The following TOPBP1 variants were observed in gnomAD, a reference collection of about 807,000 sequenced individuals.
TOPBP1 encodes DNA topoisomerase II binding protein 1.
A neutral mutation model predicts 167.7 loss-of-function variants in TOPBP1; 28 were observed. The ratio of observed to expected loss-of-function variants is 0.17; its 90% CI spans 0.12 to 0.23. The LOEUF (loss-of-function observed/expected upper bound fraction) is 0.23. Among genes scored for constraint, TOPBP1 ranks in the 10% least tolerant of loss-of-function variants. The pLI is 1.00. For synonymous variants in TOPBP1, 598 were observed against 611.4 expected (o/e 0.98, Z 0.32); for missense variants, 1,554 against 1,809.6 (o/e 0.86, Z 2.56).
Position 133,617,311 on chromosome 3 carries a change from C to G in TOPBP1, c.3608G>C (p.Gly1203Ala), listed in dbSNP as rs200596956. ...EIAKQAVCDP[G>A]NIRVTEAPKH... ...GGGAGCTTCAGTCACACGTATGTTT[C>G]CAGGATCACAGACAGCTGAGGACAA... is the stretch of plus-strand genomic sequence containing the variant. Residue 1203 changes from glycine to alanine, a missense_variant, in exon 22 of 28, where the codon GGA becomes GCA. Gly to Ala is a moderately conservative substitution (Grantham distance 60). Coordinates refer to ENST00000260810, the MANE Select transcript of TOPBP1 (RefSeq NM_007027.4). The G allele has an allele frequency of 2.5e-4, 405 of 1,610,836 alleles. 2 individuals are homozygous for G. The highest frequency in any genetic ancestry group is 1.0e-3 in the African/African-American group (76 of 74,780).
At chr3:133,634,012 G>A (rs1480300538) in intron 14 of TOPBP1, among the ~76,000 whole-genome samples, 2 of 152,132 alleles carry the variant, frequency 1.3e-5, no homozygotes, top group Non-Finnish European at 2.9e-5. Flanking sequence ...TGTCTAACAT[G>A]TGAACTCTAG....
In TOPBP1 at chr3:133,637,919, A is replaced by C. The variant is rs1576302307; in HGVS notation, c.2477T>G (p.Phe826Cys). The change falls in exon 14 of 28, where the codon TTC becomes TGC. Residue 826 changes from phenylalanine (F) to cysteine (C), a missense_variant. Coordinates refer to ENST00000260810, the MANE Select transcript of TOPBP1 (RefSeq NM_007027.4). ...CTTGAAGAGTTTGTCCTTGGACAGGAATTTTGATGGTGTATCCAGGTGTAA... is the reference window on the plus strand; with the variant it reads ...CTTGAAGAGTTTGTCCTTGGACAGGCATTTTGATGGTGTATCCAGGTGTAA... ...PSLHLDTPSK[F>C]LSKDKLFKPS... 1.9e-6 allele frequency: 3 copies of C among 1,613,932 alleles called. No homozygotes were observed. The highest frequency in any genetic ancestry group is 2.5e-6 in the Non-Finnish European group (3 of 1,179,866).
At chr3:133,607,057 C>T (rs1215270526) in intron 27 of TOPBP1, among the ~76,000 whole-genome samples, 5 of 152,132 alleles carry the variant, frequency 3.3e-5, no homozygotes, top group Non-Finnish European at 5.9e-5. Context: ...CACTATAAAC[C>T]TACCGCATGG....
chr3:133,651,242 A>G (rs938538041), intron 8 of TOPBP1, among the ~76,000 whole-genome samples: 3 of 143,082 alleles, frequency 2.1e-5, no homozygotes, highest in African/African-American at 7.9e-5. Context: ...GCCGGAGTGC[A>G]ATGGCGCAAT....
chr3:133,628,523 A>G, intron 15 of TOPBP1, 37 bp downstream of exon 15: 1 of 1,605,410 alleles, frequency 6.2e-7, no homozygotes. Context: ...TTGAAATGTT[A>G]TCTAAAACTT....
At chr3:133,649,279 A>C (rs550666764) in intron 10 of TOPBP1, 104 bp downstream of exon 10, 3 of 1,400,538 alleles carry the variant, frequency 2.1e-6, no homozygotes, top group Admixed American at 5.6e-5. Flanking sequence ...GAAAAAGGTT[A>C]ATTTAACTTA....
intron 27 of TOPBP1, among the ~76,000 whole-genome samples, chr3:133,606,250 A>G (rs1418807865): frequency 6.6e-6 from 1 of 152,212 alleles, no homozygotes; most frequent in East Asian, 1.9e-4. Flanking sequence ...AATTGTAGAA[A>G]AAAATCTAAA....
At chr3:133,602,066 A>C (rs1389885402) in intron 27 of TOPBP1, among the ~76,000 whole-genome samples, 1 of 152,126 alleles carries the variant, frequency 6.6e-6, no homozygotes, top group Non-Finnish European at 1.5e-5. Context: ...ACAACACAGT[A>C]CTCTTTGGAG....
At chr3:133,608,447 G>A in intron 27 of TOPBP1, 88 bp downstream of exon 27, 1 of 1,421,912 alleles carries the variant, frequency 7.0e-7, no homozygotes, top group Non-Finnish European at 9.6e-7. Flanking sequence ...TACTAATCAT[G>A]AGCTGAAGGT....
chr3:133,643,431 C>T (rs922322231), intron 11 of TOPBP1, 59 bp from the exon 12 acceptor site: 1 of 1,434,182 alleles, frequency 7.0e-7, no homozygotes, highest in Admixed American at 2.7e-5. Context: ...GTGGTTAACA[C>T]TGGTTCAGGT....
At position 133,611,000 on chromosome 3, in the gene TOPBP1, A is replaced by G. The variant is rs181804539; in HGVS notation, c.4173+4T>C. On this transcript the variant is annotated splice_donor_region_variant and intron_variant, in intron 25 of 27. Coordinates refer to ENST00000260810, the MANE Select transcript of TOPBP1 (RefSeq NM_007027.4). ...GTATTACCTATATAATTGTGTTTTA[A>G]TACCTCAACAATGCCAGATTCTTGT... 498 of 1,610,322 alleles carry G rather than the reference A, an allele frequency of 3.1e-4. 2 individuals carry two copies. The Middle Eastern group carries it at 4.3e-3, about 14-fold the overall frequency.
intron 11 of TOPBP1, 64 bp from the exon 12 acceptor site, chr3:133,643,436 T>C (rs1935966427): frequency 7.2e-7 from 1 of 1,392,442 alleles, no homozygotes. Context: ...TAACACTGGT[T>C]CAGGTACAGA....
chr3:133,630,274 A>C, intron 14 of TOPBP1, among the ~76,000 whole-genome samples: 1 of 146,794 alleles, frequency 6.8e-6, no homozygotes. Context: ...TTTTCAATTT[A>C]TCATTTGTCA....
At chr3:133,636,449 A>G (rs1007843251) in intron 14 of TOPBP1, among the ~76,000 whole-genome samples, 6 of 152,116 alleles carry the variant, frequency 3.9e-5, no homozygotes, top group African/African-American at 9.7e-5. Flanking sequence ...TAATGCTTAT[A>G]AGATTATAAG....
chr3:133,642,768 G>A (rs1935937106), intron 12 of TOPBP1, among the ~76,000 whole-genome samples: 1 of 152,080 alleles, frequency 6.6e-6, no homozygotes, highest in South Asian at 2.1e-4. Flanking sequence ...CTTTATAAAG[G>A]GAAACTTTGT....
Position 133,624,122 on chromosome 3 carries a change from T to G in TOPBP1, c.2858A>C (p.Asp953Ala). The G allele has an allele frequency of 6.2e-7, 1 of 1,613,868 alleles. No homozygotes were observed. Among genetic ancestry groups the G allele is most frequent in the Non-Finnish European group, 8.5e-7 (1 of 1,179,824 alleles). Residue 953 changes from aspartate to alanine, a missense_variant, in exon 17 of 28, where the codon GAC (aspartate) becomes GCC (alanine). Transcript: ENST00000260810. ...TACAGATTTATACTCCCGATTAGTGTCATTTGGCCGCCCTTGATAGATGAA... is the reference window on the plus strand; with the variant it reads ...TACAGATTTATACTCCCGATTAGTGGCATTTGGCCGCCCTTGATAGATGAA... ...THFIYQGRPN[D>A]TNREYKSVKE...
At chr3:133,612,034 C>G (rs1343240592) in intron 24 of TOPBP1, among the ~76,000 whole-genome samples, 1 of 151,572 alleles carries the variant, frequency 6.6e-6, no homozygotes, top group East Asian at 1.9e-4. Context: ...CCACTGCCAG[C>G]CAACACTTAC....
rs1936192449 is a variant in TOPBP1, at chr3:133,649,199, G to A, written c.1504+184C>T. On this transcript the variant is annotated intron_variant, in intron 10 of 27. Coordinates refer to ENST00000260810, the MANE Select transcript of TOPBP1 (RefSeq NM_007027.4). ...CTAGTTAGCTGGAGACAGGAGAGAG[G>A]GTTAAAGGGTTCAGGACCCTCTTGT... Among the ~76,000 whole-genome samples the A allele has an allele frequency of 1.3e-5, 2 of 152,086 alleles. 1 individual carries two copies. The highest frequency in any genetic ancestry group is 4.1e-4 in the South Asian group (2 of 4,822).
At chr3:133,630,525 T>C (rs1465363312) in intron 14 of TOPBP1, among the ~76,000 whole-genome samples, 1 of 152,006 alleles carries the variant, frequency 6.6e-6, no homozygotes, top group East Asian at 1.9e-4. Context: ...CTCAAACTCC[T>C]AGGCTCAAGC....
Sources: allele counts gnomAD v4.1 joint callset (sites outside exome capture counted in the v4.1 genomes callset), GRCh38; gene constraint gnomAD v4.1.1; transcripts MANE v1.5; gene names NCBI Gene and HGNC (gene_info 2026-07-23, HGNC 2026-07-21).